TENM3: variants seen among roughly 807,000 people sequenced by gnomAD.
TENM3 encodes the protein teneurin-3.
TENM3 carries 63 observed loss-of-function variants against 255.1 expected under a neutral mutation model. The observed-to-expected ratio is 0.25, with a 90% confidence interval of 0.20 to 0.30. TENM3 has a LOEUF of 0.30. Among genes scored for constraint, TENM3 ranks in the 10% least tolerant of loss-of-function variants. TENM3 has a pLI of 1.00. For synonymous variants in TENM3, 1,306 were observed against 1,322.3 expected, an observed-to-expected ratio of 0.99 and a Z score of 0.27; for missense variants, 2,929 against 3,461.1, an observed-to-expected ratio of 0.85 and a Z score of 3.86.
chr4:182,496,388 AG>A (rs1209446025), intron 3 of TENM3, among the ~76,000 whole-genome samples: 1 of 151,206 alleles, frequency 6.6e-6, no homozygotes, highest in African/African-American at 2.4e-5. Context: ...TTTTCCTGAG[AG>A]GAAAAAAAAA....
At chr4:182,442,913 T>C (rs1473842630) in intron 3 of TENM3, among the ~76,000 whole-genome samples, 1 of 151,524 alleles carries the variant, frequency 6.6e-6, no homozygotes, top group Non-Finnish European at 1.5e-5. Flanking sequence ...TCTGTAGAGA[T>C]GTAGTTTCGC....
At chr4:182,353,935 A>G (rs1235799263) in intron 3 of TENM3, among the ~76,000 whole-genome samples, 1 of 151,988 alleles carries the variant, frequency 6.6e-6, no homozygotes, top group African/African-American at 2.4e-5. Flanking sequence ...ACTGCACTCC[A>G]GCCTGGGCAA....
chr4:182,349,803 A>G (rs927468516), intron 3 of TENM3: 8 of 344,380 alleles, frequency 2.3e-5, no homozygotes, highest in Non-Finnish European at 4.0e-5. Flanking sequence ...TGACTCTTCA[A>G]TTCTTTTCAT....
the TENM3 span, among the ~76,000 whole-genome samples, chr4:181,463,728 A>C: frequency 6.6e-6 from 1 of 152,142 alleles, no homozygotes; most frequent in Non-Finnish European, 1.5e-5. Flanking sequence ...GGGCTGTGCA[A>C]CCATCATCCA....
the TENM3 span, among the ~76,000 whole-genome samples, chr4:181,473,618 TG>T: frequency 7.9e-3 from 1,188 of 149,652 alleles, 11 homozygotes; most frequent in Non-Finnish European, 0.012. Context: ...AAAAATGAAA[TG>T]AAAAAAAAAA....
the TENM3 span, among the ~76,000 whole-genome samples, chr4:181,842,459 C>G: frequency 6.6e-6 from 1 of 152,152 alleles, no homozygotes; most frequent in Non-Finnish European, 1.5e-5. Flanking sequence ...CATAACTAAC[C>G]AATTCCCCAT....
At chr4:182,356,165 G>T (rs1000707911) in intron 3 of TENM3, among the ~76,000 whole-genome samples, 2 of 151,974 alleles carry the variant, frequency 1.3e-5, no homozygotes, top group African/African-American at 2.4e-5. Context: ...ATTGACAAAA[G>T]ACAACAAAAG....
rs1357698056 is a variant in TENM3, at chr4:182,535,110, G to A, written c.512-65814G>A. On this transcript the variant is annotated intron_variant, in intron 3 of 27. Transcript: ENST00000511685. ...TAATACATACAGGTGGAAAGGTAGCGTGGATTATAATAAGAAAACAACAAC... is the reference window on the plus strand; with the variant it reads ...TAATACATACAGGTGGAAAGGTAGCATGGATTATAATAAGAAAACAACAAC... 3.9e-5 allele frequency among the ~76,000 whole-genome samples: 6 copies of A among 152,134 alleles called. 1 individual carries two copies. Among genetic ancestry groups the A allele is most frequent in the South Asian group, 4.1e-4 (2 of 4,828 alleles).
At chr4:182,027,225 T>G in the TENM3 span, among the ~76,000 whole-genome samples, 1 of 152,146 alleles carries the variant, frequency 6.6e-6, no homozygotes, top group South Asian at 2.1e-4. Context: ...TACTTTAATT[T>G]TATTGATGGC....
chr4:182,674,959 C>G (rs1228482336), intron 7 of TENM3, among the ~76,000 whole-genome samples: 1 of 152,068 alleles, frequency 6.6e-6, no homozygotes, highest in African/African-American at 2.4e-5. Context: ...TCGCCACAAC[C>G]TCCGCCTCCC....
At chr4:182,427,663 G>C (rs1295214024) in intron 3 of TENM3, among the ~76,000 whole-genome samples, 1 of 152,058 alleles carries the variant, frequency 6.6e-6, no homozygotes, top group Non-Finnish European at 1.5e-5. Flanking sequence ...GTAATACAGA[G>C]GTCAGTCTTG....
the TENM3 span, among the ~76,000 whole-genome samples, chr4:182,083,450 GAGA>G: frequency 6.6e-6 from 1 of 152,146 alleles, no homozygotes; most frequent in Admixed American, 6.5e-5. Context: ...TAATCTGATG[GAGA>G]AGAAATGTGT....
At chr4:182,693,392 A>G (rs984907854) in intron 12 of TENM3, among the ~76,000 whole-genome samples, 7 of 150,970 alleles carry the variant, frequency 4.6e-5, no homozygotes, top group African/African-American at 1.7e-4. Context: ...GCTGGAGTGC[A>G]ATGGCTCAAT....
At chr4:181,512,936 C>T in the TENM3 span, among the ~76,000 whole-genome samples, 1 of 152,140 alleles carries the variant, frequency 6.6e-6, no homozygotes, top group Admixed American at 6.5e-5. Context: ...AGTGTCTGTG[C>T]TTTCTTTTTG....
the TENM3 span, among the ~76,000 whole-genome samples, chr4:182,137,196 C>T: frequency 2.6e-5 from 4 of 152,086 alleles, no homozygotes; most frequent in African/African-American, 7.2e-5. Flanking sequence ...AATCTTAAAG[C>T]GCAGGAGTAG....
chr4:181,697,863 G>A, the TENM3 span, among the ~76,000 whole-genome samples: 11 of 152,208 alleles, frequency 7.2e-5, no homozygotes, highest in Non-Finnish European at 1.3e-4. Flanking sequence ...GCAAACCACC[G>A]TTAGGTATGG....
chr4:181,664,687 G>C, the TENM3 span, among the ~76,000 whole-genome samples: 1 of 152,070 alleles, frequency 6.6e-6, no homozygotes, highest in African/African-American at 2.4e-5. Context: ...CCAAAGATCT[G>C]AGATTCAGTG....
At chr4:181,460,605 T>G in the TENM3 span, among the ~76,000 whole-genome samples, 1 of 51,748 alleles carries the variant, frequency 1.9e-5, no homozygotes, top group African/African-American at 5.4e-5. Context: ...CCTTTTTTTC[T>G]GCATTAATTT....
rs117423116 is a variant in TENM3 at position 182,490,235 on chromosome 4, A to G, written c.512-110689A>G. ...GAGATACTTGGCCTTTTGAATAACC[A>G]TAGGTATTCAAATATTTCAGTAATA... is the stretch of plus-strand genomic sequence containing the variant. On this transcript the variant is annotated intron_variant, in intron 3 of 27. Coordinates refer to ENST00000511685, the MANE Select transcript of TENM3 (RefSeq NM_001080477.4). Among the ~76,000 whole-genome samples, 1,101 of 152,326 alleles carry G rather than the reference A, an allele frequency of 7.2e-3. 29 individuals carry two copies. The East Asian group carries it at 0.081, about 11-fold the overall frequency.
Sources: allele counts gnomAD v4.1 joint callset (sites outside exome capture counted in the v4.1 genomes callset), GRCh38; gene constraint gnomAD v4.1.1; transcripts MANE v1.5; gene names NCBI Gene and HGNC (gene_info 2026-07-23, HGNC 2026-07-21).